LRPPRC: variants seen among roughly 807,000 people sequenced by gnomAD.
The protein encoded by LRPPRC is leucine rich pentatricopeptide repeat containing, also known as leucine-rich PPR motif-containing protein, mitochondrial.
In LRPPRC, 120 loss-of-function variants were observed where a neutral mutation model predicts 180.3. The observed-to-expected ratio is 0.67, with a 90% CI of 0.57 to 0.77. LRPPRC has a LOEUF of 0.77. LRPPRC is among the 30% of genes least tolerant of loss of function. The pLI, the probability that LRPPRC is intolerant of heterozygous loss-of-function variation, is 0.00. For synonymous variants in LRPPRC, 723 were observed against 600.0 expected (o/e 1.21, Z -3.00); for missense variants, 2,012 against 1,657.2 (o/e 1.21, Z -3.72).
chr2:43,974,636 T>A lies in LRPPRC; in HGVS notation c.987A>T (p.Thr329=), dbSNP rs770890471. 1 of 1,599,588 alleles carries A rather than the reference T, an allele frequency of 6.3e-7. No homozygotes were observed. Among genetic ancestry groups the A allele is most frequent in the South Asian group, 1.1e-5 (1 of 90,686 alleles). The change falls in exon 8 of 38, where the codon ACA becomes ACT. Residue 329 remains threonine (T), a synonymous_variant. Transcript: ENST00000260665. ...TACCTGGAATATATCTTCTTTCACA[T>A]GTAACTTTTTCCAAAATTTCTGAGA... ...QYVSEILEKV[T]CERRYIPDAM...
chr2:43,947,831 A>C, intron 18 of LRPPRC, 56 bp from the exon 19 acceptor site: 1 of 1,133,726 alleles, frequency 8.8e-7, no homozygotes, highest in Non-Finnish European at 1.3e-6. Flanking sequence ...AAAATACATC[A>C]GCAAACATCA....
chr2:43,979,611 AC>A (rs1260662944), intron 3 of LRPPRC, among the ~76,000 whole-genome samples: 1 of 152,182 alleles, frequency 6.6e-6, no homozygotes, highest in Non-Finnish European at 1.5e-5. Flanking sequence ...TTTTTAACTT[AC>A]CGTACTTGTA....
chr2:43,957,284 G>GAAAAAAAAAAAAAAAA (rs1423691487), intron 14 of LRPPRC, 101 bp downstream of exon 14: 1 of 854,234 alleles, frequency 1.2e-6, no homozygotes, highest in African/African-American at 1.7e-5. Context: ...AATGTACACT[G>GAAAAAAAAAAAAAAAA]AAAGATAAGA....
chr2:43,920,848 A>G (rs1671674792), intron 27 of LRPPRC, among the ~76,000 whole-genome samples: 1 of 152,192 alleles, frequency 6.6e-6, no homozygotes, highest in Admixed American at 6.5e-5. Context: ...TATTCTAAAC[A>G]ATAAAAAGGT....
intron 30 of LRPPRC, among the ~76,000 whole-genome samples, 192 bp from the exon 31 acceptor site, chr2:43,905,972 T>G (rs1671055403): frequency 1.3e-5 from 2 of 152,220 alleles, no homozygotes; most frequent in African/African-American, 4.8e-5. Context: ...TTTTGCATTC[T>G]GACAGATGAC....
chr2:43,962,331 A>G (rs1439195833), intron 12 of LRPPRC, among the ~76,000 whole-genome samples: 1 of 152,248 alleles, frequency 6.6e-6, no homozygotes, highest in Non-Finnish European at 1.5e-5. Context: ...GAACTTAGGG[A>G]AAGAGGTGAA....
intron 29 of LRPPRC, among the ~76,000 whole-genome samples, chr2:43,915,849 C>G (rs947570419): frequency 6.6e-6 from 1 of 152,150 alleles, no homozygotes; most frequent in Non-Finnish European, 1.5e-5. Flanking sequence ...CTCAATGCAG[C>G]TTCAACCTCC....
chr2:43,898,001 G>A (rs1227086245), intron 34 of LRPPRC, among the ~76,000 whole-genome samples: 5 of 137,048 alleles, frequency 3.6e-5, no homozygotes, highest in East Asian at 4.3e-4. Context: ...TTTTCACCAC[G>A]TAAGATAGCA....
intron 1 of LRPPRC, among the ~76,000 whole-genome samples, chr2:43,992,793 A>G (rs1172770959): frequency 1.3e-5 from 2 of 152,180 alleles, no homozygotes; most frequent in Non-Finnish European, 2.9e-5. Flanking sequence ...CAAGAGGAAC[A>G]GATGAAAGAA....
chr2:43,975,560 A>C (rs1329150482), intron 6 of LRPPRC, among the ~76,000 whole-genome samples: 1 of 151,986 alleles, frequency 6.6e-6, no homozygotes, highest in Non-Finnish European at 1.5e-5. Flanking sequence ...CAGTTACTTC[A>C]GATCAGATCA....
intron 11 of LRPPRC, among the ~76,000 whole-genome samples, chr2:43,966,053 T>C (rs927099459): frequency 3.3e-5 from 5 of 152,198 alleles, no homozygotes; most frequent in African/African-American, 1.2e-4. Flanking sequence ...ACCCAAGATG[T>C]AGAAACATGC....
chr2:43,906,665 C>A (rs143808911), intron 30 of LRPPRC, among the ~76,000 whole-genome samples: 42 of 152,230 alleles, frequency 2.8e-4, no homozygotes, highest in Non-Finnish European at 5.1e-4. Context: ...CAGTGATGAC[C>A]CTGTTGCCAA....
At chr2:43,996,230 C>T (rs1016307421), upstream of LRPPRC, among the ~76,000 whole-genome samples, 9 of 152,338 alleles carry the variant, frequency 5.9e-5, no homozygotes, top group East Asian at 1.9e-4. Flanking sequence ...TGCACCCCTG[C>T]ACTCCTCTGT....
chr2:43,933,669 C>G (rs907386933), intron 25 of LRPPRC, among the ~76,000 whole-genome samples: 12 of 152,052 alleles, frequency 7.9e-5, no homozygotes, highest in African/African-American at 2.9e-4. Flanking sequence ...AGGTTTGTCA[C>G]CTACCATTTC....
chr2:43,934,337 A>G (rs1436554079), intron 24 of LRPPRC, 41 bp from the exon 25 acceptor site: 3 of 899,120 alleles, frequency 3.3e-6, no homozygotes, highest in Non-Finnish European at 5.4e-6. Flanking sequence ...AGGAGAAAAA[A>G]AAACCCAGAA....
At chr2:43,974,347 C>T (rs1673955350) in intron 8 of LRPPRC, 52 bp from the exon 9 acceptor site, 4 of 1,310,540 alleles carry the variant, frequency 3.1e-6, no homozygotes, top group Middle Eastern at 1.8e-4. Flanking sequence ...AATATTTTTA[C>T]ACTGCAACCA....
chr2:43,940,564 C>A (rs1175631455), intron 23 of LRPPRC, among the ~76,000 whole-genome samples: 2 of 151,684 alleles, frequency 1.3e-5, no homozygotes, highest in Non-Finnish European at 2.9e-5. Flanking sequence ...CAAACCAGCA[C>A]AAAAAAAATC....
At chr2:43,978,783 T>C (rs996214895) in intron 3 of LRPPRC, among the ~76,000 whole-genome samples, 23 of 152,098 alleles carry the variant, frequency 1.5e-4, no homozygotes, top group Non-Finnish European at 2.9e-4. Flanking sequence ...ACTCACTTTT[T>C]GAAGGATAGT....
At chr2:43,931,792 T>C (rs757865520) in intron 25 of LRPPRC, among the ~76,000 whole-genome samples, 2 of 152,134 alleles carry the variant, frequency 1.3e-5, no homozygotes, top group African/African-American at 4.8e-5. Context: ...AAAGGTGGCA[T>C]TGGCAGATTT....
Sources: gnomAD v4.1 joint callset for allele counts (sites outside exome capture counted in the v4.1 genomes callset) on GRCh38, gnomAD v4.1.1 for gene constraint, MANE v1.5 for transcripts, NCBI Gene and HGNC (gene_info 2026-07-23, HGNC 2026-07-21) for gene names.